The following RAD51B variants were observed in gnomAD, a reference collection of about 807,000 sequenced individuals.
The protein encoded by RAD51B is DNA repair protein RAD51 homolog 2.
RAD51B carries 38 observed loss-of-function variants against 42.2 expected under a neutral mutation model. The observed-to-expected ratio is 0.90, with a 90% CI of 0.70 to 1.18. The LOEUF (loss-of-function observed/expected upper bound fraction) is 1.18, where lower values mean the gene tolerates loss of function less well. RAD51B is among the 50% of genes most tolerant of loss of function. The pLI is 0.00. For missense variants in RAD51B, 373 were observed against 400.7 expected (o/e 0.93, Z 0.59); for synonymous variants, 154 against 145.2 (o/e 1.06, Z -0.43).
chr14:68,066,459 A>C (rs1370380369), intron 7 of RAD51B, among the ~76,000 whole-genome samples: 1 of 152,246 alleles, frequency 6.6e-6, no homozygotes, highest in African/African-American at 2.4e-5. Context: ...ATTAGGGAGA[A>C]GATGGTTCAT....
Position 68,171,251 on chromosome 14 carries a change from T to G in RAD51B, c.757-120633T>G, listed in dbSNP as rs1226113275. ...AATAAGCCATTTCTGTAGCAGAATCTTATTTGGAGAAAAGGATTCAAGACT... is the reference window on the plus strand; with the variant it reads ...AATAAGCCATTTCTGTAGCAGAATCGTATTTGGAGAAAAGGATTCAAGACT... On this transcript the variant is annotated intron_variant, in intron 7 of 10. Transcript: ENST00000471583. Among the ~76,000 whole-genome samples, 3 of 152,214 alleles carry G rather than the reference T, an allele frequency of 2.0e-5. No homozygotes were observed. The East Asian group carries it at 5.8e-4, about 29-fold the overall frequency.
At chr14:68,101,947 A>G (rs1291443850) in intron 7 of RAD51B, among the ~76,000 whole-genome samples, 1 of 152,318 alleles carries the variant, frequency 6.6e-6, no homozygotes, top group Middle Eastern at 3.4e-3. Context: ...ATCCTCTGAA[A>G]TCTAAGTGGA....
At chr14:67,862,882 TTGTG>T (rs571654660) in intron 4 of RAD51B, among the ~76,000 whole-genome samples, 36 of 152,158 alleles carry the variant, frequency 2.4e-4, no homozygotes, top group South Asian at 8.3e-4. Context: ...AATTCATACT[TTGTG>T]TGTGTTTTAT....
chr14:68,555,359 A>G (rs1041753543), intron 10 of RAD51B, among the ~76,000 whole-genome samples: 2 of 152,176 alleles, frequency 1.3e-5, no homozygotes, highest in South Asian at 2.1e-4. Context: ...AGAAACCCAC[A>G]CTGGCTCTTA....
chr14:68,666,274 T>C (rs1473934139), intron 11 of RAD51B, among the ~76,000 whole-genome samples: 3 of 152,246 alleles, frequency 2.0e-5, no homozygotes, highest in Non-Finnish European at 1.5e-5. Context: ...GCCCTAATTC[T>C]GGATCTTTTT....
intron 7 of RAD51B, among the ~76,000 whole-genome samples, chr14:68,191,637 C>G (rs2079269437): frequency 6.6e-6 from 1 of 152,074 alleles, no homozygotes; most frequent in African/African-American, 2.4e-5. Flanking sequence ...CTCTTGGGAG[C>G]CCAGGTCTTA....
chr14:67,876,278 A>AT (rs1488090260), intron 5 of RAD51B, among the ~76,000 whole-genome samples: 2 of 152,236 alleles, frequency 1.3e-5, no homozygotes, highest in African/African-American at 4.8e-5. Context: ...ATGATGCTAC[A>AT]TTTTAACTAA....
intron 8 of RAD51B, among the ~76,000 whole-genome samples, chr14:68,299,236 G>C (rs530717715): frequency 6.6e-6 from 1 of 151,894 alleles, no homozygotes; most frequent in Non-Finnish European, 1.5e-5. Flanking sequence ...TGTATGCCTG[G>C]CATCGTATGT....
At chr14:68,002,481 A>G (rs1233679364) in intron 7 of RAD51B, among the ~76,000 whole-genome samples, 4 of 152,120 alleles carry the variant, frequency 2.6e-5, no homozygotes, top group Admixed American at 2.0e-4. Flanking sequence ...ATTCTGTTAG[A>G]AACTATAATC....
intron 8 of RAD51B, chr14:68,338,999 T>C (rs2082516388): frequency 3.0e-6 from 2 of 656,822 alleles, no homozygotes; most frequent in Non-Finnish European, 5.6e-6. Flanking sequence ...GGACCCCCTT[T>C]TTACAACATG....
At chr14:67,826,270 C>T (rs1278879924) in intron 3 of RAD51B, among the ~76,000 whole-genome samples, 1 of 152,072 alleles carries the variant, frequency 6.6e-6, no homozygotes, top group Non-Finnish European at 1.5e-5. Flanking sequence ...TGCTCTAGAT[C>T]ATAAAGTACA....
At chr14:68,128,697 A>C (rs1455511967) in intron 7 of RAD51B, among the ~76,000 whole-genome samples, 1 of 152,118 alleles carries the variant, frequency 6.6e-6, no homozygotes, top group Non-Finnish European at 1.5e-5. Context: ...GTCTCAAAAA[A>C]AACGTGAGTG....
chr14:68,124,013 C>CT (rs1292487258), intron 7 of RAD51B, among the ~76,000 whole-genome samples: 7 of 152,164 alleles, frequency 4.6e-5, no homozygotes, highest in Admixed American at 3.3e-4. Context: ...TCCCTGGACT[C>CT]TCTGTGCATC....
intron 7 of RAD51B, among the ~76,000 whole-genome samples, chr14:68,100,892 T>G (rs1566645568): frequency 6.6e-6 from 1 of 152,184 alleles, no homozygotes; most frequent in Non-Finnish European, 1.5e-5. Flanking sequence ...TGTTCTCACC[T>G]GCTAATGAAG....
At chr14:68,579,469 A>T (rs1238359164) in intron 10 of RAD51B, among the ~76,000 whole-genome samples, 1 of 152,254 alleles carries the variant, frequency 6.6e-6, no homozygotes, top group Non-Finnish European at 1.5e-5. Flanking sequence ...TTGAGGATAG[A>T]GTGCCAGATG....
chr14:67,950,466 G>A (rs983942608), intron 7 of RAD51B, among the ~76,000 whole-genome samples: 2 of 152,168 alleles, frequency 1.3e-5, no homozygotes, highest in African/African-American at 4.8e-5. Flanking sequence ...GAGAGTTAGG[G>A]CCTTGCTCTG....
intron 11 of RAD51B, among the ~76,000 whole-genome samples, chr14:68,663,628 G>A (rs552875131): frequency 2.0e-5 from 3 of 152,182 alleles, no homozygotes; most frequent in Non-Finnish European, 4.4e-5. Flanking sequence ...TGTGCCGTCT[G>A]TCTCCTGCCA....
intron 7 of RAD51B, among the ~76,000 whole-genome samples, chr14:68,049,860 C>T (rs1226064795): frequency 1.3e-5 from 2 of 152,162 alleles, no homozygotes; most frequent in Non-Finnish European, 2.9e-5. Context: ...GAATGTCAAG[C>T]CTGTTTTTCA....
intron 7 of RAD51B, among the ~76,000 whole-genome samples, chr14:67,986,236 C>A (rs924421319): frequency 1.3e-4 from 20 of 152,190 alleles, no homozygotes; most frequent in African/African-American, 4.6e-4. Flanking sequence ...TAAAAATATT[C>A]ATAAGTCAAA....
Sources: gnomAD v4.1 joint callset for allele counts (sites outside exome capture counted in the v4.1 genomes callset) on GRCh38, gnomAD v4.1.1 for gene constraint, MANE v1.5 for transcripts, NCBI Gene and HGNC (gene_info 2026-07-23, HGNC 2026-07-21) for gene names.